Variants in THEMIS observed in about 807,000 individuals in gnomAD.
The protein encoded by THEMIS is thymocyte selection associated, also known as protein THEMIS.
THEMIS carries 37 observed loss-of-function variants against 52.6 expected under a neutral mutation model. That is an observed-to-expected ratio of 0.70 (90% CI 0.54 to 0.93). THEMIS has a LOEUF of 0.93. THEMIS is among the 40% of genes least tolerant of loss of function. THEMIS has a pLI of 0.00. For missense variants in THEMIS, 808 were observed against 763.1 expected (o/e 1.06, Z -0.69); for synonymous variants, 292 against 272.7 (o/e 1.07, Z -0.70).
chr6:127,710,134 G>C, intron 5 of THEMIS, 118 bp from the exon 6 acceptor site: 1 of 586,132 alleles, frequency 1.7e-6, no homozygotes, highest in South Asian at 2.8e-5. Flanking sequence ...AGAAACGGTT[G>C]GAAGCAAAGC....
At chr6:127,795,630 CA>C (rs1472365776) in intron 4 of THEMIS, among the ~76,000 whole-genome samples, 6 of 152,106 alleles carry the variant, frequency 3.9e-5, no homozygotes, top group Non-Finnish European at 7.4e-5. Context: ...GCCCGGCCAC[CA>C]GACTTTTTTT....
intron 1 of THEMIS, among the ~76,000 whole-genome samples, chr6:127,910,752 A>G (rs1381739299): frequency 6.6e-6 from 1 of 152,180 alleles, no homozygotes; most frequent in East Asian, 1.9e-4. Context: ...ATGATGGTGC[A>G]TTTGTCACAA....
chr6:127,781,840 A>C (rs607322), intron 4 of THEMIS, among the ~76,000 whole-genome samples: 3 of 151,962 alleles, frequency 2.0e-5, no homozygotes, highest in Non-Finnish European at 1.5e-5. Context: ...GACCCCTCCC[A>C]GGAGGTGTCT....
intron 1 of THEMIS, among the ~76,000 whole-genome samples, chr6:127,863,039 CA>C (rs1389103961): frequency 5.9e-5 from 9 of 152,046 alleles, no homozygotes; most frequent in Non-Finnish European, 1.3e-4. Flanking sequence ...AATTTACTCC[CA>C]AAGGCTTAGT....
upstream of THEMIS, among the ~76,000 whole-genome samples, chr6:127,901,490 T>G (rs1256976138): frequency 6.6e-6 from 1 of 152,134 alleles, no homozygotes; most frequent in Non-Finnish European, 1.5e-5. Flanking sequence ...CGTCAGCTCT[T>G]TTTAGAATTC....
At chr6:127,912,000 T>C (rs1219652841) in intron 1 of THEMIS, among the ~76,000 whole-genome samples, 3 of 152,136 alleles carry the variant, frequency 2.0e-5, no homozygotes, top group Non-Finnish European at 4.4e-5. Flanking sequence ...TTTCTCATGG[T>C]TCACCTTGGG....
chr6:127,884,253 T>C lies in THEMIS; in HGVS notation c.91+16589A>G, dbSNP rs117877557. Among the ~76,000 whole-genome samples, 54 of 152,302 alleles carry C rather than the reference T, an allele frequency of 3.5e-4. No individual in the cohort carries two copies. The East Asian group carries it at 8.9e-3, about 25-fold the overall frequency. On this transcript the variant is annotated intron_variant, in intron 1 of 5. Coordinates refer to ENST00000368248, the MANE Select transcript of THEMIS (RefSeq NM_001010923.3). ...TTTGGGACCCAAGTATTTCTTCCCA[T>C]GTGGCACATGGACAATAGGACAATC...
chr6:127,740,652 C>A (rs1775171415), intron 4 of THEMIS, among the ~76,000 whole-genome samples: 1 of 151,958 alleles, frequency 6.6e-6, no homozygotes, highest in African/African-American at 2.4e-5. Context: ...CTTTAGCTAT[C>A]CGAAAATAAA....
At chr6:127,870,380 T>C (rs1780120746) in intron 1 of THEMIS, among the ~76,000 whole-genome samples, 1 of 152,214 alleles carries the variant, frequency 6.6e-6, no homozygotes, top group Non-Finnish European at 1.5e-5. Context: ...AAACCTGGGA[T>C]TTTTATCCTA....
In THEMIS at chr6:127,810,822, G is replaced by C. The variant is rs575317278; in HGVS notation, c.1758+2061C>G. Among the ~76,000 whole-genome samples, 5 of 151,792 alleles carry C rather than the reference G, an allele frequency of 3.3e-5. No homozygotes were observed. In the South Asian group the frequency reaches 1.0e-3, roughly 32 times the overall value. ...GCCAAAGAGATTATCTTCTTCTCTAGGGATGAAAAAATGAGACGTGAGATG... is the reference window on the plus strand; with the variant it reads ...GCCAAAGAGATTATCTTCTTCTCTACGGATGAAAAAATGAGACGTGAGATG... On this transcript the variant is annotated intron_variant, in intron 4 of 5. Coordinates refer to ENST00000368248, the MANE Select transcript of THEMIS (RefSeq NM_001010923.3).
At chr6:127,844,706 T>C (rs1779157955) in intron 2 of THEMIS, among the ~76,000 whole-genome samples, 1 of 151,892 alleles carries the variant, frequency 6.6e-6, no homozygotes, top group Non-Finnish European at 1.5e-5. Context: ...GAGGGACAAA[T>C]CTTTCCAGGA....
chr6:127,901,197 G>C (rs1309576147), upstream of THEMIS: 1 of 512,558 alleles, frequency 2.0e-6, no homozygotes, highest in Non-Finnish European at 3.5e-6. Flanking sequence ...GAACAGGATG[G>C]GGGTGGGGTG....
chr6:127,731,368 T>C (rs1239098227), intron 4 of THEMIS, among the ~76,000 whole-genome samples: 1 of 152,070 alleles, frequency 6.6e-6, no homozygotes, highest in Non-Finnish European at 1.5e-5. Flanking sequence ...CACGTAAATA[T>C]AATAAACAGA....
intron 4 of THEMIS, among the ~76,000 whole-genome samples, chr6:127,739,721 T>A (rs1775132213): frequency 6.6e-6 from 1 of 152,146 alleles, no homozygotes. Context: ...ACCAGCCAGT[T>A]GGGAGGAGGA....
intron 1 of THEMIS, among the ~76,000 whole-genome samples, chr6:127,857,653 T>C (rs1779662568): frequency 6.6e-6 from 1 of 152,086 alleles, no homozygotes; most frequent in African/African-American, 2.4e-5. Context: ...AAGTGTTTGC[T>C]ATACAAACCT....
intron 1 of THEMIS, among the ~76,000 whole-genome samples, chr6:127,885,476 TAAAA>T (rs1039129886): frequency 6.6e-6 from 1 of 151,500 alleles, no homozygotes; most frequent in Non-Finnish European, 1.5e-5. Flanking sequence ...TGATAAAAAA[TAAAA>T]AAAACTATCT....
intron 1 of THEMIS, among the ~76,000 whole-genome samples, chr6:127,856,244 A>G (rs1460700506): frequency 6.6e-6 from 1 of 151,968 alleles, no homozygotes; most frequent in Non-Finnish European, 1.5e-5. Context: ...ATGCACCTAG[A>G]ACATTTTTAT....
intron 2 of THEMIS, among the ~76,000 whole-genome samples, chr6:127,847,005 T>C (rs1779236506): frequency 6.6e-6 from 1 of 151,870 alleles, no homozygotes; most frequent in Non-Finnish European, 1.5e-5. Context: ...ATGTGATACA[T>C]CACATAAACA....
chr6:127,726,878 A>G (rs918002422), intron 4 of THEMIS, among the ~76,000 whole-genome samples: 2 of 152,188 alleles, frequency 1.3e-5, no homozygotes, highest in Non-Finnish European at 2.9e-5. Context: ...AGACGAAATG[A>G]AGATTTGAAG....
Sources: allele counts gnomAD v4.1 joint callset (sites outside exome capture counted in the v4.1 genomes callset), GRCh38; gene constraint gnomAD v4.1.1; transcripts MANE v1.5; gene names NCBI Gene and HGNC (gene_info 2026-07-23, HGNC 2026-07-21).